Variants in CDH18 observed in about 807,000 individuals in gnomAD.
CDH18 encodes cadherin 18.
Under a neutral mutation model 67.9 loss-of-function variants are expected in CDH18, and 31 were observed. That is an observed-to-expected ratio of 0.46 (90% CI 0.34 to 0.62). CDH18 has a LOEUF of 0.62. CDH18 is among the 20% of genes least tolerant of loss of function. The probability of loss-of-function intolerance (pLI) is 0.01; values close to 1 mark genes in which losing one functional copy is unlikely to be tolerated. For missense variants in CDH18, 890 were observed against 975.5 expected (o/e 0.91, Z 1.17); for synonymous variants, 362 against 347.2 (o/e 1.04, Z -0.48).
chr5:20,407,922 C>A (rs553060098), intron 1 of CDH18, among the ~76,000 whole-genome samples: 1 of 151,840 alleles, frequency 6.6e-6, no homozygotes, highest in Admixed American at 6.6e-5. Flanking sequence ...ACTCTCTCTG[C>A]CTCAATAAGA....
chr5:20,347,314 T>G lies in CDH18; in HGVS notation c.-579-91809A>C, dbSNP rs190977894. Reference sequence around the variant, plus strand: ...TCTTCCGAGGCCTGCTAGACCACCCTCTGCATGACTCTTGACTGCCACACA... The same window carrying G: ...TCTTCCGAGGCCTGCTAGACCACCCGCTGCATGACTCTTGACTGCCACACA... On this transcript the variant is annotated intron_variant, in intron 1 of 14. Coordinates refer to the CDH18 transcript ENST00000507958. Among the ~76,000 whole-genome samples the G allele has an allele frequency of 1.2e-3, 185 of 152,264 alleles. 2 individuals are homozygous for G. Among genetic ancestry groups the G allele is most frequent in the African/African-American group, 4.3e-3 (178 of 41,574 alleles).
chr5:20,255,515 A>C (rs1744164355), intron 1 of CDH18: 1 of 152,154 alleles, frequency 6.6e-6, no homozygotes, highest in Non-Finnish European at 1.5e-5. Flanking sequence ...CCTGCATAAA[A>C]ATAAAACAAA....
intron 2 of CDH18, among the ~76,000 whole-genome samples, chr5:20,246,568 CA>C (rs201900087): frequency 0.016 from 2,338 of 148,074 alleles, 30 homozygotes; most frequent in South Asian, 0.031. Context: ...GAGAAAAATG[CA>C]GGAAGTAAAA....
intron 1 of CDH18, among the ~76,000 whole-genome samples, chr5:20,415,509 C>A (rs1011041031): frequency 1.3e-5 from 2 of 152,116 alleles, no homozygotes; most frequent in East Asian, 3.9e-4. Context: ...TGCGGTGGCT[C>A]ATGCCTGTAA....
intron 1 of CDH18, among the ~76,000 whole-genome samples, chr5:20,448,272 G>T (rs1339727337): frequency 6.8e-6 from 1 of 147,600 alleles, no homozygotes; most frequent in Non-Finnish European, 1.5e-5. Flanking sequence ...GTGTATATGT[G>T]CCACATTTTC....
intron 6 of CDH18, among the ~76,000 whole-genome samples, chr5:19,593,906 T>C (rs1745742722): frequency 6.6e-6 from 1 of 152,016 alleles, no homozygotes; most frequent in African/African-American, 2.4e-5. Context: ...TACAACTTGA[T>C]ATAGTCCCAT....
intron 2 of CDH18, among the ~76,000 whole-genome samples, chr5:20,176,778 A>G (rs7706987): frequency 0.071 from 10,744 of 152,208 alleles, 432 homozygotes; most frequent in East Asian, 0.14. Context: ...AGTGATTTAA[A>G]TGGTGACTTG....
chr5:20,152,694 A>G (rs1232969058), intron 2 of CDH18, among the ~76,000 whole-genome samples: 2 of 152,126 alleles, frequency 1.3e-5, no homozygotes, highest in Admixed American at 1.3e-4. Flanking sequence ...TACTTAATAA[A>G]TACAAGATGG....
At chr5:20,299,746 A>T (rs1377534912) in intron 1 of CDH18, among the ~76,000 whole-genome samples, 2 of 107,596 alleles carry the variant, frequency 1.9e-5, no homozygotes, top group Non-Finnish European at 3.7e-5. Flanking sequence ...TGACAGAGCA[A>T]GGCTCTGTCT....
At chr5:19,666,237 T>TTA (rs1757908537) in intron 5 of CDH18, among the ~76,000 whole-genome samples, 29 of 128,152 alleles carry the variant, frequency 2.3e-4, no homozygotes, top group Admixed American at 3.3e-4. Flanking sequence ...CTGTATGATT[T>TTA]TTATTATTAT....
chr5:20,073,121 T>C (rs1296804245), intron 2 of CDH18, among the ~76,000 whole-genome samples: 1 of 152,024 alleles, frequency 6.6e-6, no homozygotes, highest in East Asian at 1.9e-4. Flanking sequence ...TCTTTAAAAA[T>C]CTATCCCCAC....
intron 10 of CDH18, among the ~76,000 whole-genome samples, chr5:19,512,915 T>C (rs1745346650): frequency 6.6e-6 from 1 of 152,062 alleles, no homozygotes; most frequent in Non-Finnish European, 1.5e-5. Flanking sequence ...ATAAAATGTG[T>C]ACAAAAATGA....
At chr5:20,098,796 T>C (rs1195906535) in intron 2 of CDH18, among the ~76,000 whole-genome samples, 2 of 152,110 alleles carry the variant, frequency 1.3e-5, no homozygotes, top group Non-Finnish European at 2.9e-5. Context: ...CTAAAGAACA[T>C]TTATTGTATA....
chr5:20,111,591 G>A lies in CDH18; in HGVS notation c.-517-119577C>T, dbSNP rs564624756. On this transcript the variant is annotated intron_variant, in intron 2 of 14. Coordinates refer to the CDH18 transcript ENST00000507958. ...TTTCCAGAGCCTTGCTCTGTCGCCA[G>A]GCTGGAGTGCTGGTGCGATCTCAGC... Among the ~76,000 whole-genome samples the A allele has an allele frequency of 2.1e-3, 276 of 132,764 alleles. 3 individuals are homozygous for A. The highest frequency in any genetic ancestry group is 7.7e-3 in the African/African-American group (267 of 34,460). 87.1% of individuals were successfully genotyped at this position (132,764 alleles called of 152,430 possible).
intron 2 of CDH18, among the ~76,000 whole-genome samples, chr5:19,943,014 C>T (rs1036926508): frequency 6.6e-6 from 1 of 152,076 alleles, no homozygotes; most frequent in African/African-American, 2.4e-5. Flanking sequence ...CAGCATGATG[C>T]CTCTTTGAGC....
intron 1 of CDH18, among the ~76,000 whole-genome samples, chr5:20,427,916 C>T (rs1748426015): frequency 6.6e-6 from 1 of 151,106 alleles, no homozygotes; most frequent in South Asian, 2.1e-4. Flanking sequence ...CTCTTTTTGA[C>T]CCAACGTGTT....
chr5:20,009,904 C>T (rs575525324), intron 2 of CDH18, among the ~76,000 whole-genome samples: 26 of 152,034 alleles, frequency 1.7e-4, no homozygotes, highest in African/African-American at 6.0e-4. Context: ...ATGTGCTATG[C>T]TTGCAGTATT....
chr5:19,721,239 G>A (rs1766047445), intron 5 of CDH18, 108 bp downstream of exon 5: 2 of 1,066,216 alleles, frequency 1.9e-6, no homozygotes, highest in Middle Eastern at 2.2e-4. Context: ...TTTAAAATAT[G>A]TTAAAATCAC....
chr5:19,736,361 C>T (rs1170900361), intron 4 of CDH18, among the ~76,000 whole-genome samples: 1 of 152,040 alleles, frequency 6.6e-6, no homozygotes, highest in Non-Finnish European at 1.5e-5. Context: ...TCTAGCTAGC[C>T]TGGGGGACTG....
Sources: gnomAD v4.1 joint callset for allele counts (sites outside exome capture counted in the v4.1 genomes callset) on GRCh38, gnomAD v4.1.1 for gene constraint, MANE v1.5 for transcripts, NCBI Gene and HGNC (gene_info 2026-07-23, HGNC 2026-07-21) for gene names.